SLC25A29: variants seen among roughly 807,000 people sequenced by gnomAD.
SLC25A29 encodes mitochondrial basic amino acids transporter.
Under a neutral mutation model 10.0 loss-of-function variants are expected in SLC25A29, and 13 were observed. That is an observed-to-expected ratio of 1.30 (90% CI 0.85 to 2.07). The LOEUF is 2.07. Ranked by LOEUF, SLC25A29 falls within the 30% of genes most tolerant of loss-of-function variation. SLC25A29 has a pLI of 0.00. For synonymous variants in SLC25A29, 244 were observed against 221.1 expected (o/e 1.10, Z -0.92); for missense variants, 475 against 447.6 (o/e 1.06, Z -0.55).
rs763134615 is a variant in SLC25A29, at chr14:100,292,898, A to C, written c.297T>G (p.Gly99=). 1 of 1,606,972 alleles carries C rather than the reference A, an allele frequency of 6.2e-7. No individual in the cohort carries two copies. The highest frequency in any genetic ancestry group is 1.1e-5 in the South Asian group (1 of 90,370). Residue 99 remains glycine, a synonymous_variant, in exon 4 of 4, where the codon GGT becomes GGG. Transcript: ENST00000359232. ...HDSPLNQFLA[G]AAAGAIQCVI... Reference sequence around the variant, plus strand: ...CGCACTGGATGGCGCCCGCCGCCGCACCTGCCAGGAACTGGTTGAGGGGCG... The same window carrying C: ...CGCACTGGATGGCGCCCGCCGCCGCCCCTGCCAGGAACTGGTTGAGGGGCG...
rs1342558272 is a variant in SLC25A29 at position 100,292,816 on chromosome 14, G to C, written c.379C>G (p.Pro127Ala). ...AGCGAGCCCTTGTAGGTGCGCGCTGGGCCCGCGTCCTGCAGCTGCAGCCGC... is the reference window on the plus strand; with the variant it reads ...AGCGAGCCCTTGTAGGTGCGCGCTGCGCCCGCGTCCTGCAGCTGCAGCCGC... ...KTRLQLQDAG[P>A]ARTYKGSLDC... is the part of the protein sequence containing the mutation. The change falls in exon 4 of 4, where the codon CCA (proline) becomes GCA (alanine). Residue 127 changes from proline to alanine, a missense_variant. Physicochemically the swap from Pro to Ala is conservative, Grantham distance 27 (BLOSUM62 -1). Transcript: ENST00000359232. The C allele has an allele frequency of 3.1e-6, 5 of 1,590,872 alleles. No individual in the cohort carries two copies. Among genetic ancestry groups the C allele is most frequent in the Non-Finnish European group, 3.4e-6 (4 of 1,170,908 alleles).
chr14:100,297,137 G>A (rs1177291279), intron 2 of SLC25A29, among the ~76,000 whole-genome samples: 1 of 152,222 alleles, frequency 6.6e-6, no homozygotes, highest in Non-Finnish European at 1.5e-5. Context: ...TTTAAGGTAG[G>A]TATGTCCAGA....
chr14:100,280,718 G>C, the SLC25A29 span: 1 of 152,088 alleles, frequency 6.6e-6, no homozygotes, highest in Admixed American at 6.5e-5. Context: ...TTTCCAAGCA[G>C]AGTTCAAGTT....
intron 1 of SLC25A29, among the ~76,000 whole-genome samples, chr14:100,302,578 A>G (rs1432304356): frequency 6.6e-6 from 1 of 150,770 alleles, no homozygotes; most frequent in Non-Finnish European, 1.5e-5. Context: ...GAGGGTCTCG[A>G]TCTCTTGACC....
rs146222182 is a variant in SLC25A29, at chr14:100,295,353, C to G, written c.79-1976G>C. ...GCTCTCCTTTGAGGATTGATGGGAA[C>G]GGACCCACCCCTGGGAAACTAGTCA... On this transcript the variant is annotated intron_variant, in intron 2 of 3. Coordinates refer to ENST00000359232, the MANE Select transcript of SLC25A29 (RefSeq NM_001039355.3). 270 of 319,320 alleles carry G rather than the reference C, an allele frequency of 8.5e-4. 1 individual carries two copies. The highest frequency in any genetic ancestry group is 5.4e-3 in the African/African-American group (251 of 46,272). 19.8% of individuals were successfully genotyped at this position (319,320 alleles called of 1,614,324 possible).
At chr14:100,299,237 A>G in intron 1 of SLC25A29, 3 of 1,126,614 alleles carry the variant, frequency 2.7e-6, no homozygotes, top group Admixed American at 4.6e-5. Flanking sequence ...CCATTAATCC[A>G]AACACCTGAC....
At chr14:100,288,710 T>A (rs1891597042), downstream of SLC25A29, among the ~76,000 whole-genome samples, 1 of 148,892 alleles carries the variant, frequency 6.7e-6, no homozygotes, top group Admixed American at 6.6e-5. Context: ...CTCAGACGTG[T>A]CCCCCAGTTA....
intron 1 of SLC25A29, among the ~76,000 whole-genome samples, chr14:100,302,514 C>T (rs1892632267): frequency 6.6e-6 from 1 of 152,008 alleles, no homozygotes; most frequent in Admixed American, 6.5e-5. Flanking sequence ...TGCGTGCCAC[C>T]ACACCCAGTT....
downstream of SLC25A29, among the ~76,000 whole-genome samples, chr14:100,289,835 C>CAAAAA (rs56694140): frequency 1.0e-5 from 1 of 96,524 alleles, no homozygotes; most frequent in Non-Finnish European, 1.9e-5. Context: ...GAGCAAGACT[C>CAAAAA]AAAAAAAAAA....
rs1892085029 is a variant in SLC25A29, at chr14:100,295,556, T to TC, written c.79-2180_79-2179insG. The stretch of plus-strand genomic sequence containing the variant: ...CTGTCCCCTGCTACGGAGGGAACTC[T>TC]GGGGTTGGGGAGATGGGCATGACAG... On this transcript the variant is annotated intron_variant, in intron 2 of 3. Coordinates refer to ENST00000359232, the MANE Select transcript of SLC25A29 (RefSeq NM_001039355.3). 3 of 1,269,966 alleles carry TC rather than the reference T, an allele frequency of 2.4e-6. No individual in the cohort carries two copies. In the African/African-American group the frequency reaches 4.6e-5, roughly 19 times the overall value. The allele number at this position is 1,269,966 out of a possible 1,614,324, so 78.7% of individuals were successfully genotyped here.
the SLC25A29 span, among the ~76,000 whole-genome samples, chr14:100,283,767 C>G: frequency 3.3e-5 from 5 of 152,196 alleles, no homozygotes; most frequent in Non-Finnish European, 5.9e-5. Context: ...AGGCGTGAAC[C>G]ACCGTGCCTG....
At chr14:100,304,417 C>G (rs1164878575) in intron 1 of SLC25A29, among the ~76,000 whole-genome samples, 1 of 152,234 alleles carries the variant, frequency 6.6e-6, no homozygotes, top group Admixed American at 6.5e-5. Context: ...AGTACCCCCA[C>G]CTCTCTGGGC....
At chr14:100,294,453 C>G (rs1379244301) in intron 2 of SLC25A29, 2 of 152,288 alleles carry the variant, frequency 1.3e-5, no homozygotes, top group African/African-American at 4.8e-5. Context: ...CTAGGTCTGA[C>G]TCAGAAATGA....
At chr14:100,294,553 T>A (rs952938315) in intron 2 of SLC25A29, 1 of 152,264 alleles carries the variant, frequency 6.6e-6, no homozygotes, top group Non-Finnish European at 1.5e-5. Flanking sequence ...TATCTCGGCA[T>A]TGGGACAACT....
rs758441178 is a variant in SLC25A29 at position 100,291,751 on chromosome 14, G to C, written c.*532C>G. 1 of 162,184 alleles carries C rather than the reference G, an allele frequency of 6.2e-6. No individual in the cohort carries two copies. 10.0% of individuals were successfully genotyped at this position (162,184 alleles called of 1,614,324 possible). A position where few individuals can be genotyped will look rare whatever the true frequency, so the allele number is the denominator to read the frequency against. ...CTAGCAGTGGCATGTGGAGAAGCTG[G>C]GGTATGCAGAGGATCCAGTTCTGTG... On this transcript the variant is annotated 3_prime_UTR_variant, in exon 4 of 4. Coordinates refer to ENST00000359232, the MANE Select transcript of SLC25A29 (RefSeq NM_001039355.3).
At chr14:100,293,512 T>A in intron 2 of SLC25A29, 135 bp from the exon 3 acceptor site, 1 of 680,862 alleles carries the variant, frequency 1.5e-6, no homozygotes, top group Non-Finnish European at 2.5e-6. Context: ...CTTTTGTAAT[T>A]CCAGGGCAGG....
Position 100,306,372 on chromosome 14 carries a change from G to A in SLC25A29, c.-140C>T. ...TCCTCCTGGCGCGGAGCCCGGGCAG[G>A]CGCGGTCAGGGATGGTGGGGATGGC... On this transcript the variant is annotated 5_prime_UTR_variant, in exon 1 of 4. Coordinates refer to ENST00000359232, the MANE Select transcript of SLC25A29 (RefSeq NM_001039355.3). 1 of 827,968 alleles carries A rather than the reference G, an allele frequency of 1.2e-6. No homozygotes were observed. Among genetic ancestry groups the A allele is most frequent in the Non-Finnish European group, 1.6e-6 (1 of 623,248 alleles). 51.3% of individuals were successfully genotyped at this position (827,968 alleles called of 1,614,324 possible).
chr14:100,302,650 C>T (rs1215459299), intron 1 of SLC25A29, among the ~76,000 whole-genome samples: 5 of 152,140 alleles, frequency 3.3e-5, no homozygotes, highest in South Asian at 4.1e-4. Flanking sequence ...CCACTGAGCC[C>T]GGCTCAAAAT....
At chr14:100,305,113 G>C (rs1317067214) in intron 1 of SLC25A29, 2 of 152,218 alleles carry the variant, frequency 1.3e-5, no homozygotes, top group South Asian at 4.2e-4. Context: ...GTAACCGACC[G>C]GGAAGTTCTA....
Sources: allele counts gnomAD v4.1 joint callset (sites outside exome capture counted in the v4.1 genomes callset), GRCh38; gene constraint gnomAD v4.1.1; transcripts MANE v1.5; gene names NCBI Gene and HGNC (gene_info 2026-07-23, HGNC 2026-07-21).